STXBP3: variants seen among roughly 807,000 people sequenced by gnomAD.
The protein encoded by STXBP3 is syntaxin binding protein 3, also known as syntaxin-binding protein 3.
Under a neutral mutation model 85.7 loss-of-function variants are expected in STXBP3, and 41 were observed. The observed-to-expected ratio is 0.48, with a 90% confidence interval of 0.37 to 0.62. STXBP3 has a LOEUF of 0.62. STXBP3 is among the 20% of genes least tolerant of loss of function. The pLI is 0.00. For synonymous variants in STXBP3, 229 were observed against 231.7 expected, an observed-to-expected ratio of 0.99 and a Z score of 0.10; for missense variants, 563 against 703.1, an observed-to-expected ratio of 0.80 and a Z score of 2.25.
In STXBP3 at chr1:108,746,706, G is replaced by A. The variant is rs780014775; in HGVS notation, c.-32G>A. The A allele has an allele frequency of 1.9e-6, 3 of 1,547,934 alleles. No homozygotes were observed. The highest frequency in any genetic ancestry group is 1.4e-5 in the African/African-American group (1 of 72,716). On this transcript the variant is annotated 5_prime_UTR_variant, in exon 1 of 19. Transcript: ENST00000370008. ...CGGCCAAAGTAGGTTGGGAGTGGAAGGTGGTGGCTGCTGCTCCGCAGTGTC... is the reference window on the plus strand; with the variant it reads ...CGGCCAAAGTAGGTTGGGAGTGGAAAGTGGTGGCTGCTGCTCCGCAGTGTC...
At chr1:108,760,642 A>T (rs915634167) in intron 6 of STXBP3, among the ~76,000 whole-genome samples, 3 of 152,158 alleles carry the variant, frequency 2.0e-5, no homozygotes, top group Non-Finnish European at 2.9e-5. Flanking sequence ...TAATCCTCAC[A>T]ATAGCCATAG....
rs1663150057 is a variant in STXBP3 at position 108,798,129 on chromosome 1, C to T, written c.1357-16C>T. On this transcript the variant is annotated splice_polypyrimidine_tract_variant and intron_variant, in intron 15 of 18. Coordinates refer to ENST00000370008, the MANE Select transcript of STXBP3 (RefSeq NM_007269.4). ...AGAATTACTGGTTTTTAATTTTTTT[C>T]CTCTAATTGTATTAGTCTCAACAAG... The T allele has an allele frequency of 6.4e-7, 1 of 1,569,082 alleles. No homozygotes were observed. The highest frequency in any genetic ancestry group is 8.6e-7 in the Non-Finnish European group (1 of 1,160,982).
At chr1:108,763,547 A>G (rs1662188928) in intron 6 of STXBP3, among the ~76,000 whole-genome samples, 1 of 152,170 alleles carries the variant, frequency 6.6e-6, no homozygotes, top group South Asian at 2.1e-4. Context: ...AAGTATTATA[A>G]TGGCACTCTG....
Position 108,762,114 on chromosome 1 carries a change from T to G in STXBP3, c.438+2029T>G, listed in dbSNP as rs377442596. On this transcript the variant is annotated intron_variant, in intron 6 of 18. Transcript: ENST00000370008. ...CTTTGAGCTGTGAGCAAAGGCCTAC[T>G]GAGCATTTATCAAGATTATGTTCAG... 3.9e-5 allele frequency among the ~76,000 whole-genome samples: 6 copies of G among 152,382 alleles called. No individual in the cohort carries two copies. In the East Asian group the frequency reaches 1.2e-3, roughly 29 times the overall value.
At chr1:108,775,849 A>T (rs770647479) in intron 7 of STXBP3, among the ~76,000 whole-genome samples, 3 of 152,102 alleles carry the variant, frequency 2.0e-5, no homozygotes, top group Non-Finnish European at 2.9e-5. Context: ...TATAATCATG[A>T]TGGAATACTG....
At chr1:108,804,895 A>G (rs1332185882) in intron 17 of STXBP3, among the ~76,000 whole-genome samples, 1 of 152,222 alleles carries the variant, frequency 6.6e-6, no homozygotes, top group African/African-American at 2.4e-5. Flanking sequence ...AATACTCCAC[A>G]AGGCAGACCA....
In STXBP3 at chr1:108,752,326, C is replaced by A; in HGVS notation, c.99+20C>A. The A allele has an allele frequency of 6.2e-7, 1 of 1,607,798 alleles. No homozygotes were observed. The highest frequency in any genetic ancestry group is 8.5e-7 in the Non-Finnish European group (1 of 1,176,248). ...TGGAAGGTAGAGTTTGCATACCTTG[C>A]TCTTATAAAAAATAATACAAACTTT... On this transcript the variant is annotated intron_variant, in intron 2 of 18. Coordinates refer to ENST00000370008, the MANE Select transcript of STXBP3 (RefSeq NM_007269.4).
intron 13 of STXBP3, among the ~76,000 whole-genome samples, chr1:108,795,582 A>G (rs1663072566): frequency 6.6e-6 from 1 of 152,018 alleles, no homozygotes; most frequent in Non-Finnish European, 1.5e-5. Flanking sequence ...TATTAATTAG[A>G]TAATTTTGCA....
chr1:108,796,455 C>T, intron 14 of STXBP3, 83 bp downstream of exon 14: 2 of 1,221,476 alleles, frequency 1.6e-6, no homozygotes, highest in Non-Finnish European at 2.3e-6. Context: ...AGTTGCTGAA[C>T]TTGGTTAAGA....
chr1:108,776,383 T>G lies in STXBP3; in HGVS notation c.644T>G (p.Leu215Arg). Residue 215 changes from leucine to arginine, a missense_variant, in exon 8 of 19, where the codon CTT becomes CGT. This residue lies in a region of STXBP3 where 494 missense variants were observed against 592.8 expected (regional missense o/e 0.83). Coordinates refer to ENST00000370008, the MANE Select transcript of STXBP3 (RefSeq NM_007269.4). Reference protein sequence around the residue: ...SKLAQLVEKKLEDYYKIDEKS... With the variant: ...SKLAQLVEKKREDYYKIDEKS... The stretch of plus-strand genomic sequence containing the variant: ...CTTGCACAGCTTGTTGAAAAAAAGC[T>G]TGAAGACTACTACAAGATTGATGAA... 1 of 1,609,504 alleles carries G rather than the reference T, an allele frequency of 6.2e-7. No individual in the cohort carries two copies. Among genetic ancestry groups the G allele is most frequent in the Non-Finnish European group, 8.5e-7 (1 of 1,177,672 alleles).
At chr1:108,788,832 C>T (rs1662913476) in intron 11 of STXBP3, among the ~76,000 whole-genome samples, 1 of 152,074 alleles carries the variant, frequency 6.6e-6, no homozygotes, top group Non-Finnish European at 1.5e-5. Context: ...GAGGCCAAGG[C>T]AGACGGATCA....
At chr1:108,779,050 A>C (rs1662657999) in intron 8 of STXBP3, among the ~76,000 whole-genome samples, 1 of 152,250 alleles carries the variant, frequency 6.6e-6, no homozygotes, top group Non-Finnish European at 1.5e-5. Flanking sequence ...AAAAGTAATT[A>C]GATTTTAGTT....
chr1:108,792,164 A>G (rs1662986562), intron 11 of STXBP3, among the ~76,000 whole-genome samples: 1 of 152,220 alleles, frequency 6.6e-6, no homozygotes, highest in Admixed American at 6.5e-5. Flanking sequence ...AAAGTCTTAT[A>G]TTTAACTCTA....
At chr1:108,787,994 A>G (rs1309204776) in intron 11 of STXBP3, among the ~76,000 whole-genome samples, 1 of 151,726 alleles carries the variant, frequency 6.6e-6, no homozygotes, top group Non-Finnish European at 1.5e-5. Flanking sequence ...ATTTCACCAT[A>G]TTGCTCAGGC....
intron 1 of STXBP3, among the ~76,000 whole-genome samples, chr1:108,752,030 AC>A (rs1661915945): frequency 6.6e-6 from 1 of 152,082 alleles, no homozygotes; most frequent in African/African-American, 2.4e-5. Context: ...AAATATATTA[AC>A]CCTTTTTATA....
intron 1 of STXBP3, among the ~76,000 whole-genome samples, chr1:108,747,921 A>C (rs921726093): frequency 1.3e-5 from 2 of 152,236 alleles, no homozygotes; most frequent in African/African-American, 4.8e-5. Context: ...TGGTATTTAA[A>C]TACATTTATG....
In STXBP3 at chr1:108,776,358, C is replaced by G. The variant is rs1386095014; in HGVS notation, c.619C>G (p.Leu207Val). ...TAAACCTCTAGATAATGCCAGTAAGCTTGCACAGCTTGTTGAAAAAAAGCT... is the reference window on the plus strand; with the variant it reads ...TAAACCTCTAGATAATGCCAGTAAGGTTGCACAGCTTGTTGAAAAAAAGCT... ...KSKPLDNASKLAQLVEKKLED... is the reference protein window; with the variant it reads ...KSKPLDNASKVAQLVEKKLED... Residue 207 changes from leucine (L) to valine (V), a missense_variant, in exon 8 of 19, where the codon CTT becomes GTT. Coordinates refer to ENST00000370008, the MANE Select transcript of STXBP3 (RefSeq NM_007269.4). 1.9e-6 allele frequency: 3 copies of G among 1,608,472 alleles called. No individual in the cohort carries two copies. Among genetic ancestry groups the G allele is most frequent in the Admixed American group, 1.7e-5 (1 of 59,646 alleles).
intron 1 of STXBP3, among the ~76,000 whole-genome samples, chr1:108,750,699 GTT>G (rs1661881382): frequency 1.3e-5 from 2 of 152,098 alleles, no homozygotes; most frequent in African/African-American, 2.4e-5. Context: ...GACTCCACAG[GTT>G]TAAGGGCTCA....
At chr1:108,762,347 A>G (rs1233341642) in intron 6 of STXBP3, among the ~76,000 whole-genome samples, 1 of 152,166 alleles carries the variant, frequency 6.6e-6, no homozygotes, top group East Asian at 1.9e-4. Flanking sequence ...ACGGAAATTT[A>G]TTTCTTCCTA....
Sources: gnomAD v4.1 joint callset for allele counts (sites outside exome capture counted in the v4.1 genomes callset) on GRCh38, gnomAD v4.1.1 for gene constraint, gnomAD v4.1.1 regional missense constraint, MANE v1.5 for transcripts, NCBI Gene and HGNC (gene_info 2026-07-23, HGNC 2026-07-21) for gene names.